The following SYT17 variants were observed in gnomAD, a reference collection of about 807,000 sequenced individuals.
The protein encoded by SYT17 is synaptotagmin-17.
A neutral mutation model predicts 46.7 loss-of-function variants in SYT17; 22 were observed. The ratio of observed to expected loss-of-function variants is 0.47; its 90% CI spans 0.34 to 0.67. The LOEUF is 0.67. Among genes scored for constraint, SYT17 ranks in the 30% least tolerant of loss-of-function variants. The pLI, the probability that SYT17 is intolerant of heterozygous loss-of-function variation, is 0.01. For missense variants in SYT17, 519 were observed against 612.8 expected, an observed-to-expected ratio of 0.85 and a Z score of 1.62; for synonymous variants, 251 against 248.4, an observed-to-expected ratio of 1.01 and a Z score of -0.10.
intron 7 of SYT17, among the ~76,000 whole-genome samples, chr16:19,241,632 CAGTCCCATTGCAGTGGCCCCT>C (rs1224965301): frequency 6.6e-6 from 1 of 152,196 alleles, no homozygotes; most frequent in Non-Finnish European, 1.5e-5. Context: ...TGGCTCAGCC[CAGTCCCATTGCAGTGGCCCCT>C]AGGGCAGCAG....
intron 5 of SYT17, among the ~76,000 whole-genome samples, chr16:19,207,324 T>G (rs955134122): frequency 1.7e-4 from 26 of 152,188 alleles, no homozygotes; most frequent in Non-Finnish European, 1.5e-4. Context: ...AAGACAGTCA[T>G]ATTTACAGGT....
chr16:19,231,947 G>C (rs944480962), intron 7 of SYT17, among the ~76,000 whole-genome samples: 4 of 152,206 alleles, frequency 2.6e-5, no homozygotes, highest in African/African-American at 9.6e-5. Flanking sequence ...ACATTTCAGA[G>C]TGTCTGACCC....
rs1412428512 is a variant in SYT17 at position 19,184,272 on chromosome 16, G to A, written c.951+125G>A. ...AACTTTTTATTTTGAAATAATTTTT[G>A]ACTCACAAGAGGTTGCAAAAATAGC... On this transcript the variant is annotated intron_variant, in intron 5 of 7. Transcript: ENST00000355377. The A allele has an allele frequency of 4.5e-6, 6 of 1,329,402 alleles. No individual in the cohort carries two copies. In the Admixed American group the frequency reaches 1.6e-4, roughly 35 times the overall value. 82.4% of individuals were successfully genotyped at this position (1,329,402 alleles called of 1,614,324 possible). A position where few individuals can be genotyped will look rare whatever the true frequency, so the allele number is the denominator to read the frequency against.
chr16:19,176,292 C>T (rs1964311193), intron 3 of SYT17, among the ~76,000 whole-genome samples: 1 of 152,190 alleles, frequency 6.6e-6, no homozygotes, highest in African/African-American at 2.4e-5. Context: ...TCTTATTAGC[C>T]TGGCTCGGGT....
intron 7 of SYT17, among the ~76,000 whole-genome samples, chr16:19,248,715 T>C (rs1168228083): frequency 6.6e-6 from 1 of 151,866 alleles, no homozygotes; most frequent in Non-Finnish European, 1.5e-5. Context: ...CCAGGTACTT[T>C]GGAGGCTGAG....
chr16:19,235,907 G>C (rs886875303), intron 7 of SYT17, among the ~76,000 whole-genome samples: 1 of 152,226 alleles, frequency 6.6e-6, no homozygotes, highest in Non-Finnish European at 1.5e-5. Flanking sequence ...GAAAAAAATC[G>C]GGGAAAGAAA....
chr16:19,190,593 C>T (rs1964972515), intron 5 of SYT17, among the ~76,000 whole-genome samples: 1 of 152,174 alleles, frequency 6.6e-6, no homozygotes, highest in African/African-American at 2.4e-5. Context: ...CCCCTGACAA[C>T]CATCATTCTA....
chr16:19,197,527 C>A (rs1965300345), intron 5 of SYT17, among the ~76,000 whole-genome samples: 1 of 152,004 alleles, frequency 6.6e-6, no homozygotes, highest in Admixed American at 6.6e-5. Flanking sequence ...GAGTTCACTG[C>A]AGCTTCTACC....
At chr16:19,236,061 C>T (rs977522187) in intron 7 of SYT17, among the ~76,000 whole-genome samples, 3 of 152,182 alleles carry the variant, frequency 2.0e-5, no homozygotes, top group Admixed American at 6.5e-5. Flanking sequence ...CGACTCACCC[C>T]AGACAACCCC....
chr16:19,194,752 G>A (rs1277833630), intron 5 of SYT17, among the ~76,000 whole-genome samples: 8 of 152,172 alleles, frequency 5.3e-5, no homozygotes, highest in Admixed American at 1.3e-4. Context: ...GAATTACCAC[G>A]CCCAGCTAAT....
At chr16:19,199,740 AAAACAAAC>A (rs76671089) in intron 5 of SYT17, among the ~76,000 whole-genome samples, 1 of 151,570 alleles carries the variant, frequency 6.6e-6, no homozygotes, top group African/African-American at 2.4e-5. Flanking sequence ...CTGTCTCAAG[AAAACAAAC>A]AAACAAACAA....
At chr16:19,210,273 G>A (rs985786691) in intron 5 of SYT17, among the ~76,000 whole-genome samples, 1 of 151,962 alleles carries the variant, frequency 6.6e-6, no homozygotes, top group Non-Finnish European at 1.5e-5. Context: ...AGTCTTGCTT[G>A]AGGCAGGAGT....
chr16:19,260,220 T>C (rs1056192681), intron 7 of SYT17, among the ~76,000 whole-genome samples: 3 of 151,274 alleles, frequency 2.0e-5, no homozygotes, highest in African/African-American at 7.3e-5. Context: ...CTGGGCGCAA[T>C]GGCTCACACC....
chr16:19,249,827 G>A (rs1224366055), intron 7 of SYT17: 6 of 1,081,566 alleles, frequency 5.5e-6, no homozygotes, highest in Non-Finnish European at 7.7e-6. Flanking sequence ...GTCTGTTATT[G>A]GAGTCATTGG....
intron 5 of SYT17, among the ~76,000 whole-genome samples, chr16:19,193,179 C>A (rs75986319): frequency 0.013 from 1,922 of 152,282 alleles, 48 homozygotes; most frequent in African/African-American, 0.044. Flanking sequence ...CTTCAGTGGC[C>A]GGTGTGCAGG....
At chr16:19,197,624 G>T (rs1035212422) in intron 5 of SYT17, among the ~76,000 whole-genome samples, 54 of 151,982 alleles carry the variant, frequency 3.6e-4, no homozygotes, top group African/African-American at 1.2e-3. Flanking sequence ...AATTTGCTCA[G>T]CCGTGTTGCT....
chr16:19,181,767 A>T (rs1964566670), intron 4 of SYT17, among the ~76,000 whole-genome samples: 1 of 151,836 alleles, frequency 6.6e-6, no homozygotes, highest in Non-Finnish European at 1.5e-5. Flanking sequence ...TGGGAGGCCG[A>T]GGCGGGAGGA....
intron 7 of SYT17, among the ~76,000 whole-genome samples, chr16:19,236,970 G>C (rs1966857086): frequency 6.6e-6 from 1 of 152,152 alleles, no homozygotes; most frequent in African/African-American, 2.4e-5. Context: ...AAATCACATT[G>C]CTAGGCTAGC....
chr16:19,244,191 G>A (rs1967356992), intron 7 of SYT17, among the ~76,000 whole-genome samples: 1 of 152,066 alleles, frequency 6.6e-6, no homozygotes, highest in African/African-American at 2.4e-5. Flanking sequence ...CATTTTACAG[G>A]GAAAGAAACT....
Sources: allele counts gnomAD v4.1 joint callset (sites outside exome capture counted in the v4.1 genomes callset), GRCh38; gene constraint gnomAD v4.1.1; transcripts MANE v1.5; gene names NCBI Gene and HGNC (gene_info 2026-07-23, HGNC 2026-07-21).